Variants in PALM2AKAP2 observed in about 807,000 individuals in gnomAD.
PALM2AKAP2 encodes PALM2-AKAP2 fusion protein.
Under a neutral mutation model 71.5 loss-of-function variants are expected in PALM2AKAP2, and 37 were observed. That is an observed-to-expected ratio of 0.52 (90% CI 0.40 to 0.68). The LOEUF (loss-of-function observed/expected upper bound fraction) is 0.68, where lower values mean the gene tolerates loss of function less well. Ranked by LOEUF, PALM2AKAP2 falls within the 30% of genes least tolerant of loss-of-function variation. PALM2AKAP2 has a pLI of 0.00. For missense variants in PALM2AKAP2, 1,224 were observed against 1,191.8 expected (o/e 1.03, Z -0.40); for synonymous variants, 468 against 478.8 (o/e 0.98, Z 0.29).
rs577874926 is a variant in PALM2AKAP2, at chr9:109,826,694, T to C, written c.46-40797T>C. On this transcript the variant is annotated intron_variant, in intron 1 of 9. Transcript: ENST00000302798. ...AAAGGGGGAATGAGGAGAAAGCTAA[T>C]GAAGATGTGAATATTTGTGAGGAAA... Among the ~76,000 whole-genome samples the C allele has an allele frequency of 1.6e-4, 24 of 152,308 alleles. No individual in the cohort carries two copies. In the South Asian group the frequency reaches 3.9e-3, roughly 25 times the overall value.
At chr9:109,738,880 G>A (rs1021343460) in intron 1 of PALM2AKAP2, among the ~76,000 whole-genome samples, 9 of 147,562 alleles carry the variant, frequency 6.1e-5, no homozygotes, top group African/African-American at 1.9e-4. Flanking sequence ...CCTGTGTACT[G>A]CAAATGGTGG....
At chr9:109,923,394 T>A (rs1830881764) in intron 3 of PALM2AKAP2, among the ~76,000 whole-genome samples, 1 of 152,228 alleles carries the variant, frequency 6.6e-6, no homozygotes, top group Non-Finnish European at 1.5e-5. Context: ...GCTATTTTCC[T>A]TCTGATGTTA....
chr9:109,982,144 G>C (rs1832282927), intron 6 of PALM2AKAP2, among the ~76,000 whole-genome samples: 1 of 152,196 alleles, frequency 6.6e-6, no homozygotes, highest in African/African-American at 2.4e-5. Context: ...TCTGTCATTT[G>C]CAACAATATG....
At chr9:110,032,124 C>T (rs1660055464) in intron 7 of PALM2AKAP2, among the ~76,000 whole-genome samples, 1 of 150,988 alleles carries the variant, frequency 6.6e-6, no homozygotes, top group Admixed American at 6.6e-5. Context: ...ACACAGGTGT[C>T]CTGCAATATT....
chr9:109,776,182 A>C (rs544051321), upstream of PALM2AKAP2, among the ~76,000 whole-genome samples: 47 of 152,236 alleles, frequency 3.1e-4, no homozygotes, highest in Non-Finnish European at 6.0e-4. Flanking sequence ...TTTATTAAAT[A>C]AATAGCATAG....
chr9:110,127,229 C>T (rs1835627140), intron 1 of PALM2AKAP2, among the ~76,000 whole-genome samples: 1 of 152,154 alleles, frequency 6.6e-6, no homozygotes, highest in African/African-American at 2.4e-5. Flanking sequence ...GGCTTCATGG[C>T]AGGAGATCCA....
At chr9:109,782,341 T>C (rs2769147) in intron 1 of PALM2AKAP2, among the ~76,000 whole-genome samples, 39,848 of 151,870 alleles carry the variant, frequency 0.26, 5,717 homozygotes, top group South Asian at 0.42. Flanking sequence ...CTGTTGATTA[T>C]TCTCATGAAT....
At chr9:109,744,300 C>A (rs1828764854) in intron 1 of PALM2AKAP2, among the ~76,000 whole-genome samples, 1 of 152,130 alleles carries the variant, frequency 6.6e-6, no homozygotes, top group East Asian at 1.9e-4. Flanking sequence ...ATAACTGAAA[C>A]AGAAATAATT....
chr9:109,914,640 G>C (rs1009666503), intron 3 of PALM2AKAP2, among the ~76,000 whole-genome samples: 1 of 152,236 alleles, frequency 6.6e-6, no homozygotes, highest in Non-Finnish European at 1.5e-5. Context: ...CCAGAGAAGA[G>C]AACAGGTCTG....
intron 1 of PALM2AKAP2, among the ~76,000 whole-genome samples, chr9:109,801,116 C>T (rs1352257626): frequency 6.6e-6 from 1 of 152,210 alleles, no homozygotes; most frequent in Admixed American, 6.5e-5. Flanking sequence ...TGCATACATA[C>T]ACACCTTCAG....
chr9:109,783,399 A>C (rs1020058931), intron 1 of PALM2AKAP2, among the ~76,000 whole-genome samples: 2 of 151,932 alleles, frequency 1.3e-5, no homozygotes, highest in African/African-American at 4.8e-5. Flanking sequence ...TGCATCCTGA[A>C]ACCATCCTCC....
At chr9:109,927,752 C>T (rs967113565) in intron 5 of PALM2AKAP2, among the ~76,000 whole-genome samples, 6 of 152,190 alleles carry the variant, frequency 3.9e-5, no homozygotes, top group Admixed American at 2.0e-4. Flanking sequence ...TCTCCTCCCC[C>T]GCCAACACAC....
intron 3 of PALM2AKAP2, among the ~76,000 whole-genome samples, chr9:110,159,775 A>T (rs1433398891): frequency 6.6e-6 from 1 of 152,146 alleles, no homozygotes; most frequent in Non-Finnish European, 1.5e-5. Context: ...GGTCCTGTCC[A>T]CAGGGACTCA....
chr9:110,157,204 A>G (rs570119523), intron 3 of PALM2AKAP2, among the ~76,000 whole-genome samples: 1 of 152,318 alleles, frequency 6.6e-6, no homozygotes, highest in South Asian at 2.1e-4. Flanking sequence ...CTCAGGGTTC[A>G]TGCCAACCTC....
At chr9:109,735,953 G>A (rs1828623792) in intron 1 of PALM2AKAP2, among the ~76,000 whole-genome samples, 2 of 152,192 alleles carry the variant, frequency 1.3e-5, no homozygotes, top group Non-Finnish European at 1.5e-5. Flanking sequence ...CAAATGAGAA[G>A]AAGAAAGCCA....
chr9:109,978,191 G>A (rs1294439145), intron 6 of PALM2AKAP2, among the ~76,000 whole-genome samples: 1 of 152,134 alleles, frequency 6.6e-6, no homozygotes, highest in Admixed American at 6.5e-5. Context: ...AGAGAGGGGA[G>A]AAGGAAAGTC....
chr9:110,040,278 TATA>T (rs1201019922), intron 7 of PALM2AKAP2, among the ~76,000 whole-genome samples: 1 of 152,228 alleles, frequency 6.6e-6, no homozygotes, highest in Non-Finnish European at 1.5e-5. Flanking sequence ...CTTAACACCT[TATA>T]ATCGTAATAG....
intron 7 of PALM2AKAP2, among the ~76,000 whole-genome samples, chr9:110,032,224 C>A (rs996431826): frequency 5.9e-5 from 9 of 152,048 alleles, no homozygotes; most frequent in African/African-American, 2.2e-4. Flanking sequence ...CTGTGTTATG[C>A]CACAAATAAC....
At chr9:110,013,473 A>G (rs1832920433) in intron 6 of PALM2AKAP2, among the ~76,000 whole-genome samples, 1 of 152,232 alleles carries the variant, frequency 6.6e-6, no homozygotes, top group Non-Finnish European at 1.5e-5. Context: ...AAAGCAAAGC[A>G]TGTCAAGGAA....
Sources: allele counts gnomAD v4.1 joint callset (sites outside exome capture counted in the v4.1 genomes callset), GRCh38; gene constraint gnomAD v4.1.1; transcripts MANE v1.5; gene names NCBI Gene and HGNC (gene_info 2026-07-23, HGNC 2026-07-21).